MNAT1: variants seen among roughly 807,000 people sequenced by gnomAD.
MNAT1 encodes the protein MNAT1 component of CDK activating kinase, also known as CDK-activating kinase assembly factor MAT1.
A neutral mutation model predicts 42.0 loss-of-function variants in MNAT1; 43 were observed. That is an observed-to-expected ratio of 1.02 (90% CI 0.80 to 1.32). The LOEUF is 1.32. Among genes scored for constraint, MNAT1 ranks in the 40% most tolerant of loss-of-function variants. MNAT1 has a pLI of 0.00. For synonymous variants in MNAT1, 118 were observed against 120.0 expected, an observed-to-expected ratio of 0.98 and a Z score of 0.11; for missense variants, 306 against 350.4, an observed-to-expected ratio of 0.87 and a Z score of 1.01.
intron 6 of MNAT1, among the ~76,000 whole-genome samples, chr14:60,819,407 A>G (rs2032813615): frequency 2.0e-5 from 3 of 151,820 alleles, no homozygotes; most frequent in Middle Eastern, 3.4e-3. Flanking sequence ...TTTGTTTAGA[A>G]AATATATACT....
At chr14:60,828,747 C>G (rs566816784) in intron 6 of MNAT1, among the ~76,000 whole-genome samples, 56 of 152,286 alleles carry the variant, frequency 3.7e-4, no homozygotes, top group African/African-American at 1.3e-3. Context: ...TGTTGACTAA[C>G]TGGCTATAAA....
At chr14:60,953,679 T>G (rs2036425384) in intron 7 of MNAT1, among the ~76,000 whole-genome samples, 1 of 152,200 alleles carries the variant, frequency 6.6e-6, no homozygotes, top group Non-Finnish European at 1.5e-5. Context: ...TAGTTCTGTT[T>G]TTAATTTTTT....
chr14:60,815,790 G>A (rs982572038), intron 5 of MNAT1, among the ~76,000 whole-genome samples: 6 of 152,084 alleles, frequency 3.9e-5, no homozygotes, highest in African/African-American at 1.4e-4. Context: ...GTATTCATTA[G>A]TGCAATTAAT....
At chr14:60,758,644 C>G (rs2030467617) in intron 1 of MNAT1, among the ~76,000 whole-genome samples, 1 of 151,956 alleles carries the variant, frequency 6.6e-6, no homozygotes, top group African/African-American at 2.4e-5. Context: ...AATAGTCTTC[C>G]CCTTTTAACC....
intron 7 of MNAT1, among the ~76,000 whole-genome samples, chr14:60,941,703 T>TAAA (rs74849961): frequency 2.1e-5 from 3 of 139,874 alleles, no homozygotes; most frequent in African/African-American, 7.9e-5. Flanking sequence ...CCCTGTTTCT[T>TAAA]AAAAAAAAAA....
At chr14:60,839,862 G>A (rs2139398849) in intron 6 of MNAT1, among the ~76,000 whole-genome samples, 1 of 152,320 alleles carries the variant, frequency 6.6e-6, no homozygotes, top group South Asian at 2.1e-4. Context: ...GCCAGACCCT[G>A]CACTCACTCA....
At chr14:60,807,978 G>T (rs1414242281) in intron 3 of MNAT1, among the ~76,000 whole-genome samples, 2 of 151,828 alleles carry the variant, frequency 1.3e-5, no homozygotes, top group East Asian at 3.8e-4. Context: ...GTAGATTCCA[G>T]ACTTACTCTT....
intron 1 of MNAT1, among the ~76,000 whole-genome samples, chr14:60,748,925 A>G (rs965175825): frequency 4.6e-5 from 7 of 152,326 alleles, no homozygotes; most frequent in African/African-American, 1.7e-4. Flanking sequence ...CTATATTTTC[A>G]TACGACTGGT....
Position 60,945,810 on chromosome 14 carries a change from C to T in MNAT1, c.810-22419C>T, listed in dbSNP as rs940183562. On this transcript the variant is annotated intron_variant, in intron 7 of 7. Coordinates refer to ENST00000261245, the MANE Select transcript of MNAT1 (RefSeq NM_002431.4). Reference sequence around the variant, plus strand: ...TCAGGTATCATTTTGCACACAGATACGGTGGCTTCTTCTCTCACATCCCAC... The same window carrying T: ...TCAGGTATCATTTTGCACACAGATATGGTGGCTTCTTCTCTCACATCCCAC... Among the ~76,000 whole-genome samples, 6 of 152,294 alleles carry T rather than the reference C, an allele frequency of 3.9e-5. No homozygotes were observed. In the East Asian group the frequency reaches 5.8e-4, roughly 15 times the overall value.
intron 7 of MNAT1, among the ~76,000 whole-genome samples, chr14:60,965,829 G>T (rs1469585301): frequency 2.0e-5 from 3 of 152,122 alleles, no homozygotes; most frequent in Non-Finnish European, 4.4e-5. Context: ...ATAAAAATTA[G>T]CTGGAAACTT....
intron 6 of MNAT1, among the ~76,000 whole-genome samples, chr14:60,873,021 C>T (rs988245123): frequency 7.9e-5 from 12 of 152,050 alleles, no homozygotes; most frequent in Admixed American, 2.0e-4. Flanking sequence ...ATAATCACAC[C>T]GAACAATTAA....
intron 7 of MNAT1, among the ~76,000 whole-genome samples, chr14:60,953,471 C>T (rs1175112007): frequency 1.3e-5 from 2 of 152,066 alleles, no homozygotes; most frequent in Non-Finnish European, 2.9e-5. Context: ...GAGGTACATA[C>T]TATTAGCAGA....
chr14:60,751,912 A>G (rs1431431201), intron 1 of MNAT1, among the ~76,000 whole-genome samples: 1 of 152,160 alleles, frequency 6.6e-6, no homozygotes, highest in African/African-American at 2.4e-5. Flanking sequence ...ACTGATTTAT[A>G]TATATTTAAT....
intron 6 of MNAT1, among the ~76,000 whole-genome samples, chr14:60,855,423 C>G (rs2033932083): frequency 6.6e-6 from 1 of 152,256 alleles, no homozygotes; most frequent in African/African-American, 2.4e-5. Context: ...CATTTTGTGT[C>G]TGAAACCCAG....
chr14:60,908,309 A>AT (rs1324630188), intron 7 of MNAT1, among the ~76,000 whole-genome samples: 2 of 151,832 alleles, frequency 1.3e-5, no homozygotes, highest in South Asian at 2.1e-4. Flanking sequence ...CTGGATTGTT[A>AT]TTTTTTTCTT....
intron 6 of MNAT1, among the ~76,000 whole-genome samples, chr14:60,837,894 A>G (rs2033436606): frequency 6.6e-6 from 1 of 152,252 alleles, no homozygotes; most frequent in Admixed American, 6.5e-5. Flanking sequence ...ACAAAGCATT[A>G]TAAGACGGTT....
At chr14:60,737,421 T>G (rs1343233937) in intron 1 of MNAT1, among the ~76,000 whole-genome samples, 2 of 152,116 alleles carry the variant, frequency 1.3e-5, no homozygotes, top group Non-Finnish European at 2.9e-5. Context: ...ATTTCCTTGC[T>G]TTTTTCATTA....
intron 7 of MNAT1, among the ~76,000 whole-genome samples, chr14:60,904,288 A>G (rs1046789398): frequency 6.6e-5 from 10 of 152,362 alleles, no homozygotes; most frequent in African/African-American, 2.4e-4. Context: ...CATATAATTT[A>G]TACTATACTT....
At chr14:60,754,338 C>CTT (rs2030236385) in intron 1 of MNAT1, among the ~76,000 whole-genome samples, 1 of 142,900 alleles carries the variant, frequency 7.0e-6, no homozygotes, top group African/African-American at 2.6e-5. Flanking sequence ...GGAGAAATTT[C>CTT]TTCTTTTTTT....
Sources: gnomAD v4.1 joint callset for allele counts (sites outside exome capture counted in the v4.1 genomes callset) on GRCh38, gnomAD v4.1.1 for gene constraint, MANE v1.5 for transcripts, NCBI Gene and HGNC (gene_info 2026-07-23, HGNC 2026-07-21) for gene names.